The following KIF16B variants were observed in gnomAD, a reference collection of about 807,000 sequenced individuals.
KIF16B encodes the protein kinesin-like protein KIF16B.
KIF16B carries 98 observed loss-of-function variants against 156.3 expected under a neutral mutation model. That is an observed-to-expected ratio of 0.63 (90% confidence interval 0.53 to 0.74). KIF16B has a LOEUF of 0.74. Among genes scored for constraint, KIF16B ranks in the 30% least tolerant of loss-of-function variants. The probability of loss-of-function intolerance (pLI) is 0.00; values close to 1 mark genes in which losing one functional copy is unlikely to be tolerated. For missense variants in KIF16B, 1,421 were observed against 1,606.5 expected (o/e 0.88, Z 1.97); for synonymous variants, 564 against 583.7 (o/e 0.97, Z 0.49).
In KIF16B at chr20:16,547,527, T is replaced by C. The variant is rs2070460076; in HGVS notation, c.48-19087A>G. 4.6e-5 allele frequency among the ~76,000 whole-genome samples: 7 copies of C among 152,290 alleles called. No individual in the cohort carries two copies. In the South Asian group the frequency reaches 1.5e-3, roughly 32 times the overall value. On this transcript the variant is annotated intron_variant, in intron 1 of 25. Coordinates refer to ENST00000354981, the MANE Select transcript of KIF16B (RefSeq NM_024704.5). ...GTCACCAGAAAGTTCCTTTCCAGAATATTCTTTGAAACTGTGTCATATCAC... is the reference window on the plus strand; with the variant it reads ...GTCACCAGAAAGTTCCTTTCCAGAACATTCTTTGAAACTGTGTCATATCAC...
intron 25 of KIF16B, among the ~76,000 whole-genome samples, chr20:16,311,618 C>T (rs1271941385): frequency 6.6e-6 from 1 of 152,230 alleles, no homozygotes; most frequent in African/African-American, 2.4e-5. Flanking sequence ...CTCAATGGTT[C>T]ACAATGGCAA....
At chr20:16,306,825 T>G (rs955296423) in intron 25 of KIF16B, among the ~76,000 whole-genome samples, 22 of 152,210 alleles carry the variant, frequency 1.4e-4, no homozygotes, top group African/African-American at 5.1e-4. Context: ...TTCGAGTGTT[T>G]TTCTTTGTAC....
intron 12 of KIF16B, among the ~76,000 whole-genome samples, chr20:16,485,866 C>CAT (rs1284792659): frequency 6.6e-6 from 1 of 151,922 alleles, no homozygotes; most frequent in Non-Finnish European, 1.5e-5. Context: ...CACATACACA[C>CAT]ATATATATAC....
chr20:16,511,192 C>T (rs1600584287), intron 6 of KIF16B, among the ~76,000 whole-genome samples: 2 of 152,156 alleles, frequency 1.3e-5, no homozygotes, highest in East Asian at 3.8e-4. Context: ...TTCTTAAAGA[C>T]AGAGGAAATC....
chr20:16,364,285 G>C (rs2064611347), intron 22 of KIF16B, among the ~76,000 whole-genome samples: 1 of 152,166 alleles, frequency 6.6e-6, no homozygotes, highest in South Asian at 2.1e-4. Context: ...ATCAAATTCA[G>C]ATGAAATCAC....
chr20:16,381,580 C>T (rs1006390336), intron 18 of KIF16B, 114 bp downstream of exon 18: 34 of 594,290 alleles, frequency 5.7e-5, no homozygotes, highest in Middle Eastern at 2.8e-4. Flanking sequence ...TAACAGATAA[C>T]AGACACAGAG....
chr20:16,503,163 A>G (rs1372846411), intron 10 of KIF16B, among the ~76,000 whole-genome samples: 2 of 152,230 alleles, frequency 1.3e-5, no homozygotes, highest in Non-Finnish European at 2.9e-5. Flanking sequence ...GTGAGCCCAG[A>G]TTGCATCACT....
At chr20:16,336,281 A>C (rs140887248) in intron 23 of KIF16B, among the ~76,000 whole-genome samples, 161 of 152,330 alleles carry the variant, frequency 1.1e-3, no homozygotes, top group Non-Finnish European at 1.6e-3. Flanking sequence ...AATTGGTTAT[A>C]AAAAGTGTCC....
At chr20:16,495,335 C>T (rs1349820049) in intron 11 of KIF16B, among the ~76,000 whole-genome samples, 1 of 152,224 alleles carries the variant, frequency 6.6e-6, no homozygotes, top group Non-Finnish European at 1.5e-5. Context: ...TGTACTCTCA[C>T]TGCTAAGATA....
At chr20:16,532,191 A>AG (rs397812078) in intron 1 of KIF16B, among the ~76,000 whole-genome samples, 3 of 151,530 alleles carry the variant, frequency 2.0e-5, no homozygotes, top group Non-Finnish European at 2.9e-5. Context: ...GACTTAAAAA[A>AG]CCTTTTAGAG....
intron 12 of KIF16B, among the ~76,000 whole-genome samples, chr20:16,440,533 G>GCGCGCACACA (rs1490804040): frequency 2.2e-5 from 3 of 138,252 alleles, no homozygotes; most frequent in African/African-American, 8.0e-5. Context: ...ACAAGCGCGC[G>GCGCGCACACA]CACACACACA....
chr20:16,440,760 A>G (rs2066777446), intron 12 of KIF16B, among the ~76,000 whole-genome samples: 1 of 152,064 alleles, frequency 6.6e-6, no homozygotes, highest in African/African-American at 2.4e-5. Flanking sequence ...TAATGAACAG[A>G]AACTCTTGGG....
chr20:16,374,139 C>CGT (rs2064887295), intron 20 of KIF16B, 118 bp downstream of exon 20: 3 of 982,690 alleles, frequency 3.1e-6, no homozygotes, highest in Non-Finnish European at 4.3e-6. Flanking sequence ...ATCTCAAGCA[C>CGT]GTGTATTACT....
chr20:16,569,035 T>C (rs1431595504), intron 1 of KIF16B, among the ~76,000 whole-genome samples: 1 of 151,926 alleles, frequency 6.6e-6, no homozygotes, highest in Non-Finnish European at 1.5e-5. Context: ...TGAATGGGAT[T>C]AGTACCCTTA....
rs550118022 is a variant in KIF16B at position 16,499,063 on chromosome 20, TCA to T, written c.1177-1387_1177-1386del. Among the ~76,000 whole-genome samples the T allele has an allele frequency of 1.1e-4, 16 of 152,234 alleles. No individual in the cohort carries two copies. The East Asian group carries it at 2.9e-3, about 28-fold the overall frequency. Reference sequence around the variant, plus strand: ...CTCGTGACAGTCTATGCAGTAGTCCTCAGAGATGTCCCCGAGCTATTGTCTTT... The same window carrying T: ...CTCGTGACAGTCTATGCAGTAGTCCTGAGATGTCCCCGAGCTATTGTCTTT... On this transcript the variant is annotated intron_variant, in intron 10 of 25. Coordinates refer to ENST00000354981, the MANE Select transcript of KIF16B (RefSeq NM_024704.5).
At chr20:16,485,322 T>C (rs952814049) in intron 12 of KIF16B, among the ~76,000 whole-genome samples, 6 of 152,114 alleles carry the variant, frequency 3.9e-5, no homozygotes, top group African/African-American at 1.5e-4. Context: ...TTTAAGCCAC[T>C]AGGTTTTAAG....
intron 22 of KIF16B, among the ~76,000 whole-genome samples, chr20:16,360,896 C>T (rs189940483): frequency 1.4e-4 from 21 of 152,320 alleles, no homozygotes; most frequent in Admixed American, 5.2e-4. Flanking sequence ...CTTACATCCA[C>T]TCAGATCTCT....
intron 3 of KIF16B, among the ~76,000 whole-genome samples, chr20:16,521,881 A>G (rs1347923273): frequency 6.6e-6 from 1 of 152,210 alleles, no homozygotes; most frequent in East Asian, 1.9e-4. Flanking sequence ...ATTCTTAAAG[A>G]AAAGAATTTT....
chr20:16,531,040 T>C (rs902523501), intron 1 of KIF16B, among the ~76,000 whole-genome samples: 1 of 152,144 alleles, frequency 6.6e-6, no homozygotes, highest in Non-Finnish European at 1.5e-5. Flanking sequence ...TGGGGTAATT[T>C]GTTATACACT....
Sources: gnomAD v4.1 joint callset for allele counts (sites outside exome capture counted in the v4.1 genomes callset) on GRCh38, gnomAD v4.1.1 for gene constraint, MANE v1.5 for transcripts, NCBI Gene and HGNC (gene_info 2026-07-23, HGNC 2026-07-21) for gene names.